Variants in FRS2 observed in about 807,000 individuals in gnomAD.
The protein encoded by FRS2 is fibroblast growth factor receptor substrate 2.
Under a neutral mutation model 43.9 loss-of-function variants are expected in FRS2, and 8 were observed. That is an observed-to-expected ratio of 0.18 (90% confidence interval 0.11 to 0.33). The LOEUF is 0.33. Among genes scored for constraint, FRS2 ranks in the 10% least tolerant of loss-of-function variants. FRS2 has a pLI of 1.00. For synonymous variants in FRS2, 219 were observed against 220.3 expected, an observed-to-expected ratio of 0.99 and a Z score of 0.05; for missense variants, 534 against 627.6, an observed-to-expected ratio of 0.85 and a Z score of 1.59.
intron 3 of FRS2, among the ~76,000 whole-genome samples, chr12:69,557,006 T>G (rs1472054890): frequency 6.6e-6 from 1 of 152,236 alleles, no homozygotes; most frequent in Non-Finnish European, 1.5e-5. Flanking sequence ...TACTCAGTGA[T>G]TACATTAAGA....
chr12:69,478,308 A>G (rs527568021), intron 1 of FRS2, among the ~76,000 whole-genome samples: 6 of 152,314 alleles, frequency 3.9e-5, no homozygotes, highest in South Asian at 4.1e-4. Context: ...AATGATGGAA[A>G]TGTTCTATGT....
chr12:69,550,194 A>G (rs1878751334), intron 3 of FRS2, among the ~76,000 whole-genome samples: 1 of 152,224 alleles, frequency 6.6e-6, no homozygotes, highest in South Asian at 2.1e-4. Flanking sequence ...AACCTCAACT[A>G]AAAATGTATT....
intron 3 of FRS2, among the ~76,000 whole-genome samples, chr12:69,554,208 A>G (rs892354064): frequency 5.3e-5 from 8 of 152,120 alleles, no homozygotes; most frequent in African/African-American, 1.9e-4. Flanking sequence ...ATTGATTTGT[A>G]TTTTCTTTAG....
At chr12:69,562,731 C>G (rs962885987) in intron 4 of FRS2, among the ~76,000 whole-genome samples, 6 of 151,804 alleles carry the variant, frequency 4.0e-5, no homozygotes, top group Admixed American at 6.6e-5. Flanking sequence ...GCTTTGTCGT[C>G]CAGGCTTGGA....
At chr12:69,524,984 A>G (rs1424601143) in intron 1 of FRS2, among the ~76,000 whole-genome samples, 1 of 152,056 alleles carries the variant, frequency 6.6e-6, no homozygotes. Context: ...CTCCCGCTTC[A>G]GCTATGCCCT....
At chr12:69,547,881 C>T (rs1405486758) in intron 3 of FRS2, among the ~76,000 whole-genome samples, 1 of 130,060 alleles carries the variant, frequency 7.7e-6, no homozygotes, top group Non-Finnish European at 1.6e-5. Flanking sequence ...TGCTTTCTCA[C>T]CCAGGCTAGA....
chr12:69,531,471 G>A (rs933367895), intron 2 of FRS2, among the ~76,000 whole-genome samples: 4 of 151,988 alleles, frequency 2.6e-5, no homozygotes, highest in African/African-American at 9.7e-5. Context: ...TATGCTACTT[G>A]CATATTTTTA....
At chr12:69,504,316 G>C (rs1168007612) in intron 1 of FRS2, among the ~76,000 whole-genome samples, 2 of 152,170 alleles carry the variant, frequency 1.3e-5, no homozygotes, top group Non-Finnish European at 2.9e-5. Flanking sequence ...AGTGAGCCAA[G>C]ATCATGCCAG....
At chr12:69,515,208 C>G (rs1190716216) in intron 1 of FRS2, among the ~76,000 whole-genome samples, 2 of 152,110 alleles carry the variant, frequency 1.3e-5, no homozygotes, top group Non-Finnish European at 1.5e-5. Context: ...CTTTTCTGTC[C>G]TGATGCATTT....
intron 4 of FRS2, among the ~76,000 whole-genome samples, chr12:69,568,241 T>C (rs192943350): frequency 1.3e-5 from 2 of 152,348 alleles, no homozygotes; most frequent in Admixed American, 1.3e-4. Flanking sequence ...TAATTTTGAG[T>C]TGTCTTTCTC....
intron 1 of FRS2, among the ~76,000 whole-genome samples, chr12:69,486,920 G>T (rs1319909483): frequency 6.6e-6 from 1 of 152,236 alleles, no homozygotes; most frequent in East Asian, 1.9e-4. Context: ...ATAGAGGTTG[G>T]TTCATGAGGT....
Position 69,538,961 on chromosome 12 carries a change from G to C in FRS2, c.-122+6905G>C, listed in dbSNP as rs188839066. ...GCCCTCCTAGATGCCATGACACCCC[G>C]GTAGCAAGAGCACACCAAGAACCCA... is the stretch of plus-strand genomic sequence containing the variant. On this transcript the variant is annotated intron_variant, in intron 3 of 8. Transcript: ENST00000549921. Among the ~76,000 whole-genome samples, 457 of 151,980 alleles carry C rather than the reference G, an allele frequency of 3.0e-3. 1 individual carries two copies. The highest frequency in any genetic ancestry group is 4.6e-3 in the Non-Finnish European group (315 of 67,970).
At chr12:69,483,057 G>C (rs1474816862) in intron 1 of FRS2, among the ~76,000 whole-genome samples, 3 of 152,182 alleles carry the variant, frequency 2.0e-5, no homozygotes, top group Non-Finnish European at 4.4e-5. Flanking sequence ...CTCACAGGAA[G>C]TTGGAAAATA....
intron 1 of FRS2, among the ~76,000 whole-genome samples, chr12:69,481,082 T>C (rs1436683447): frequency 6.6e-6 from 1 of 152,220 alleles, no homozygotes; most frequent in Non-Finnish European, 1.5e-5. Flanking sequence ...AATAGTGCAG[T>C]AGACCTCTGT....
intron 3 of FRS2, among the ~76,000 whole-genome samples, chr12:69,537,576 T>C (rs1226413639): frequency 6.6e-6 from 1 of 152,172 alleles, no homozygotes; most frequent in African/African-American, 2.4e-5. Context: ...GTAATAACCC[T>C]TTTATTTGGC....
chr12:69,492,018 T>A (rs1378580944), intron 1 of FRS2, among the ~76,000 whole-genome samples: 1 of 152,246 alleles, frequency 6.6e-6, no homozygotes, highest in Non-Finnish European at 1.5e-5. Context: ...TTTGGTTATA[T>A]GCTGTTTATA....
chr12:69,554,681 A>T (rs1879188097), intron 3 of FRS2, among the ~76,000 whole-genome samples: 1 of 152,078 alleles, frequency 6.6e-6, no homozygotes, highest in African/African-American at 2.4e-5. Context: ...CCAGGATCCA[A>T]CCTAGGGATA....
chr12:69,543,015 A>T (rs926644029), intron 3 of FRS2, among the ~76,000 whole-genome samples: 1 of 152,208 alleles, frequency 6.6e-6, no homozygotes, highest in African/African-American at 2.4e-5. Flanking sequence ...ACAGTTTTTG[A>T]ATCTATAGTA....
chr12:69,517,934 G>C (rs528081460), intron 1 of FRS2, among the ~76,000 whole-genome samples: 1 of 151,956 alleles, frequency 6.6e-6, no homozygotes, highest in East Asian at 1.9e-4. Context: ...AATTTATAGG[G>C]CTTGTCTTTT....
Sources: allele counts gnomAD v4.1 joint callset (sites outside exome capture counted in the v4.1 genomes callset), GRCh38; gene constraint gnomAD v4.1.1; transcripts MANE v1.5; gene names NCBI Gene and HGNC (gene_info 2026-07-23, HGNC 2026-07-21).